The following GDA variants were observed in gnomAD, a reference collection of about 807,000 sequenced individuals.
GDA encodes the protein cytoplasmic PSD-95 interactor.
A neutral mutation model predicts 59.6 loss-of-function variants in GDA; 18 were observed. The observed-to-expected ratio is 0.30, with a 90% CI of 0.21 to 0.45. The LOEUF (loss-of-function observed/expected upper bound fraction) is 0.45. Ranked by LOEUF, GDA falls within the 20% of genes least tolerant of loss-of-function variation. The probability of loss-of-function intolerance (pLI) is 1.00; values close to 1 mark genes in which losing one functional copy is unlikely to be tolerated. For missense variants in GDA, 427 were observed against 552.3 expected (o/e 0.77, Z 2.27); for synonymous variants, 201 against 201.1 (o/e 1.00, Z 0.00).
At chr9:72,237,835 C>G (rs920330531) in intron 10 of GDA, among the ~76,000 whole-genome samples, 1 of 152,064 alleles carries the variant, frequency 6.6e-6, no homozygotes, top group South Asian at 2.1e-4. Context: ...AATGCCCAAC[C>G]TCATGACTCC....
At chr9:72,174,152 C>T (rs993943001) in intron 1 of GDA, among the ~76,000 whole-genome samples, 1 of 152,158 alleles carries the variant, frequency 6.6e-6, no homozygotes, top group African/African-American at 2.4e-5. Flanking sequence ...ATATCAACTT[C>T]ATTTATTTAT....
chr9:72,237,808 C>T (rs2131740606), intron 10 of GDA, among the ~76,000 whole-genome samples: 1 of 152,204 alleles, frequency 6.6e-6, no homozygotes, highest in South Asian at 2.1e-4. Flanking sequence ...TCTTCTCCCT[C>T]ACTTCTTCCC....
At chr9:72,165,822 C>T (rs1052740056) in intron 1 of GDA, among the ~76,000 whole-genome samples, 3 of 150,856 alleles carry the variant, frequency 2.0e-5, no homozygotes, top group South Asian at 2.1e-4. Flanking sequence ...TGCTCGAATC[C>T]GGGAGGTGGA....
chr9:72,122,414 T>C lies in GDA; in HGVS notation c.-100+7581T>C, dbSNP rs189612229. Among the ~76,000 whole-genome samples, 3 of 152,276 alleles carry C rather than the reference T, an allele frequency of 2.0e-5. No homozygotes were observed. The East Asian group carries it at 5.8e-4, about 29-fold the overall frequency. The stretch of plus-strand genomic sequence containing the variant: ...TATTTGATAGGGGCATTCTAAGCAT[T>C]AAATGAAAGAATACTTGGAAAGTAC... On this transcript the variant is annotated intron_variant, in intron 1 of 13. Coordinates refer to the GDA transcript ENST00000545168.
In GDA at chr9:72,241,916, C is replaced by A. The variant is rs1288946071; in HGVS notation, c.1135+618C>A. 2.6e-5 allele frequency among the ~76,000 whole-genome samples: 4 copies of A among 152,048 alleles called. No individual in the cohort carries two copies. In the East Asian group the frequency reaches 5.8e-4, roughly 22 times the overall value. ...CTCCAAATAAATAAATTAAAGAATC[C>A]ATTTTTCCACTAAGTCAAGTAACTT... is the stretch of plus-strand genomic sequence containing the variant. On this transcript the variant is annotated intron_variant, in intron 11 of 13. Transcript: ENST00000358399.
At position 72,216,964 on chromosome 9, in the gene GDA, C is replaced by G. The variant is rs180943562; in HGVS notation, c.579-2515C>G. On this transcript the variant is annotated intron_variant, in intron 5 of 13. Transcript: ENST00000358399. ...TGCTGGGATTACAGGTGTGAGCCAC[C>G]GTGCCCGGCCCAGGAATAGCTATTA... Among the ~76,000 whole-genome samples, 446 of 152,230 alleles carry G rather than the reference C, an allele frequency of 2.9e-3. 2 individuals carry two copies. The highest frequency in any genetic ancestry group is 0.01 in the African/African-American group (435 of 41,534).
Position 72,251,953 on chromosome 9 carries a change from A to C in GDA, c.*3611A>C, listed in dbSNP as rs1451748515. On this transcript the variant is annotated 3_prime_UTR_variant, in exon 14 of 14. Coordinates refer to ENST00000358399, the MANE Select transcript of GDA (RefSeq NM_004293.5). ...TTTCACAGTCCACAGGGTTCAAATG[A>C]CTTGGGTAACAGAAGTTATTCTTAG... is the stretch of plus-strand genomic sequence containing the variant. 1 of 152,272 alleles carries C rather than the reference A, an allele frequency of 6.6e-6. No individual in the cohort carries two copies. Among genetic ancestry groups the C allele is most frequent in the Non-Finnish European group, 1.5e-5 (1 of 68,026 alleles). 9.4% of individuals were successfully genotyped at this position (152,272 alleles called of 1,614,324 possible).
Position 72,195,539 on chromosome 9 carries a change from G to T in GDA, c.163G>T (p.Ala55Ser). ...AGAAGCATCTCAACAGGAAAAACTG[G>T]CCAAAGAATGGTGCTTCAAGCCGTG... ...LEEASQQEKL[A>S]KEWCFKPCEI... The change falls in exon 2 of 14, where the codon GCC becomes TCC. Residue 55 changes from alanine (A) to serine (S), a missense_variant. Physicochemically the swap from Ala to Ser is moderately conservative, Grantham distance 99. Coordinates refer to ENST00000358399, the MANE Select transcript of GDA (RefSeq NM_004293.5). The T allele has an allele frequency of 6.3e-7, 1 of 1,580,706 alleles. No individual in the cohort carries two copies. Among genetic ancestry groups the T allele is most frequent in the Non-Finnish European group, 8.7e-7 (1 of 1,155,944 alleles).
At chr9:72,228,069 T>G in intron 9 of GDA, 29 bp downstream of exon 9, 2 of 1,238,096 alleles carry the variant, frequency 1.6e-6, no homozygotes, top group Non-Finnish European at 2.4e-6. Flanking sequence ...TTTGGTAGAT[T>G]ACGAATGATT....
At chr9:72,204,397 GA>G (rs1220435284) in intron 3 of GDA, among the ~76,000 whole-genome samples, 1 of 151,116 alleles carries the variant, frequency 6.6e-6, no homozygotes, top group Non-Finnish European at 1.5e-5. Context: ...TCAAGGCAAA[GA>G]AAAAAAAGGG....
upstream of GDA, among the ~76,000 whole-genome samples, chr9:72,145,944 C>G (rs1826612949): frequency 6.6e-6 from 1 of 152,124 alleles, no homozygotes; most frequent in African/African-American, 2.4e-5. Context: ...CTATTGAGCA[C>G]CTCCTAGTGA....
intron 1 of GDA, among the ~76,000 whole-genome samples, chr9:72,155,630 C>T (rs1415593940): frequency 3.3e-5 from 5 of 151,966 alleles, no homozygotes; most frequent in Admixed American, 6.6e-5. Flanking sequence ...TGGAGGGCAT[C>T]GGGGATGGTG....
chr9:72,157,837 T>C (rs565573023), intron 1 of GDA, among the ~76,000 whole-genome samples: 1 of 152,358 alleles, frequency 6.6e-6, no homozygotes, highest in East Asian at 1.9e-4. Context: ...TTCATTTATC[T>C]GTCTGGCAAG....
At chr9:72,213,699 A>C (rs1835697340) in intron 4 of GDA, among the ~76,000 whole-genome samples, 187 bp from the exon 5 acceptor site, 1 of 150,578 alleles carries the variant, frequency 6.6e-6, no homozygotes, top group Non-Finnish European at 1.5e-5. Flanking sequence ...GCTACTCGGG[A>C]GGCTGAGGCA....
intron 1 of GDA, among the ~76,000 whole-genome samples, chr9:72,135,736 G>T (rs1240557014): frequency 6.6e-6 from 1 of 151,936 alleles, no homozygotes; most frequent in African/African-American, 2.4e-5. Context: ...AGATCATCCT[G>T]GGTAGCTGGG....
intron 3 of GDA, among the ~76,000 whole-genome samples, chr9:72,205,136 CG>C (rs1360119164): frequency 7.5e-6 from 1 of 134,034 alleles, no homozygotes; most frequent in Non-Finnish European, 1.6e-5. Context: ...AAAAAAATTG[CG>C]GAGCACATAT....
intron 2 of GDA, 49 bp from the exon 3 acceptor site, chr9:72,202,522 A>G: frequency 8.2e-7 from 1 of 1,221,574 alleles, no homozygotes; most frequent in Non-Finnish European, 1.2e-6. Flanking sequence ...AAATATGGGA[A>G]ATGACTGAAG....
chr9:72,233,610 A>G (rs1435427834), intron 10 of GDA, among the ~76,000 whole-genome samples: 1 of 152,154 alleles, frequency 6.6e-6, no homozygotes, highest in Non-Finnish European at 1.5e-5. Context: ...ACTCTTGGGT[A>G]TTTACCCTAG....
rs1309039254 is a variant in GDA, at chr9:72,230,500, AAATAT to A, written c.921-612_921-608del. 9.4e-4 allele frequency among the ~76,000 whole-genome samples: 116 copies of A among 123,112 alleles called. 1 individual carries two copies. Among genetic ancestry groups the A allele is most frequent in the African/African-American group, 3.4e-3 (114 of 33,240 alleles). 80.8% of individuals were successfully genotyped at this position (123,112 alleles called of 152,430 possible). A position where few individuals can be genotyped will look rare whatever the true frequency, so the allele number is the denominator to read the frequency against. ...AGACAGACTCTGTCTCAAAAAAAAAAAATATATATATATATATATATGGCTGGCAC... is the reference window on the plus strand; with the variant it reads ...AGACAGACTCTGTCTCAAAAAAAAAAATATATATATATATATGGCTGGCAC... On this transcript the variant is annotated intron_variant, in intron 9 of 13. Coordinates refer to ENST00000358399, the MANE Select transcript of GDA (RefSeq NM_004293.5).
Sources: gnomAD v4.1 joint callset for allele counts (sites outside exome capture counted in the v4.1 genomes callset) on GRCh38, gnomAD v4.1.1 for gene constraint, MANE v1.5 for transcripts, NCBI Gene and HGNC (gene_info 2026-07-23, HGNC 2026-07-21) for gene names.